Variants in TMEM123 observed in about 807,000 individuals in gnomAD.
TMEM123 encodes the protein transmembrane protein 123.
TMEM123 carries 16 observed loss-of-function variants against 19.7 expected under a neutral mutation model. The observed-to-expected ratio is 0.81, with a 90% CI of 0.55 to 1.23. The LOEUF (loss-of-function observed/expected upper bound fraction) is 1.23, where lower values mean the gene tolerates loss of function less well. TMEM123 is among the 50% of genes most tolerant of loss of function. The pLI is 0.00. For missense variants in TMEM123, 313 were observed against 257.8 expected (o/e 1.21, Z -1.47); for synonymous variants, 118 against 99.4 (o/e 1.19, Z -1.12).
chr11:102,419,706 T>C (rs1202266019), intron 2 of TMEM123, among the ~76,000 whole-genome samples: 1 of 152,262 alleles, frequency 6.6e-6, no homozygotes, highest in Non-Finnish European at 1.5e-5. Context: ...CAGATTTATT[T>C]AATCTAAAAG....
intron 2 of TMEM123, among the ~76,000 whole-genome samples, chr11:102,416,051 A>C (rs1309507640): frequency 1.3e-5 from 2 of 152,090 alleles, no homozygotes; most frequent in African/African-American, 4.8e-5. Flanking sequence ...AGTACCTGGG[A>C]CTACAGGTAT....
At position 102,447,787 on chromosome 11, in the gene TMEM123, G is replaced by C. The variant is rs146951900; in HGVS notation, c.157+1025C>G. Among the ~76,000 whole-genome samples, 188 of 152,184 alleles carry C rather than the reference G, an allele frequency of 1.2e-3. No homozygotes were observed. The East Asian group carries it at 0.013, about 10-fold the overall frequency. On this transcript the variant is annotated intron_variant, in intron 2 of 4. Coordinates refer to ENST00000398136, the MANE Select transcript of TMEM123 (RefSeq NM_052932.3). Reference sequence around the variant, plus strand: ...TAAAACTAGAATTAAAGTATGTCCTGACTACGTACCACCAGACACCAGTCA... The same window carrying C: ...TAAAACTAGAATTAAAGTATGTCCTCACTACGTACCACCAGACACCAGTCA...
At chr11:102,418,848 A>C (rs1302847343) in intron 2 of TMEM123, among the ~76,000 whole-genome samples, 1 of 152,218 alleles carries the variant, frequency 6.6e-6, no homozygotes, top group Non-Finnish European at 1.5e-5. Flanking sequence ...ATGAAATCAC[A>C]TCCTTTGCAG....
At chr11:102,441,953 G>T (rs1025458691) in intron 2 of TMEM123, among the ~76,000 whole-genome samples, 6 of 152,166 alleles carry the variant, frequency 3.9e-5, no homozygotes, top group African/African-American at 1.4e-4. Flanking sequence ...AAATCTAGAA[G>T]AAATGGATAA....
intron 2 of TMEM123, among the ~76,000 whole-genome samples, chr11:102,422,895 A>G (rs1952098407): frequency 6.6e-6 from 1 of 152,182 alleles, no homozygotes; most frequent in Admixed American, 6.5e-5. Flanking sequence ...ATTAACTCCA[A>G]TACCTTTCTG....
At chr11:102,427,794 C>T (rs986908616) in intron 2 of TMEM123, among the ~76,000 whole-genome samples, 20 of 150,212 alleles carry the variant, frequency 1.3e-4, no homozygotes, top group East Asian at 2.0e-4. Context: ...GCCGAGATCG[C>T]GCCACTGCAC....
At chr11:102,418,588 T>C (rs1952060046) in intron 2 of TMEM123, among the ~76,000 whole-genome samples, 1 of 152,234 alleles carries the variant, frequency 6.6e-6, no homozygotes, top group Non-Finnish European at 1.5e-5. Flanking sequence ...TCAGCCACTG[T>C]GGAAAGCAGT....
At chr11:102,405,688 C>CA (rs1457388005) in intron 2 of TMEM123, among the ~76,000 whole-genome samples, 1 of 152,116 alleles carries the variant, frequency 6.6e-6, no homozygotes, top group Admixed American at 6.5e-5. Flanking sequence ...CACACACACA[C>CA]CCCTCCCCCT....
intron 2 of TMEM123, among the ~76,000 whole-genome samples, chr11:102,411,069 C>T (rs944137697): frequency 6.6e-6 from 1 of 151,938 alleles, no homozygotes. Flanking sequence ...TTCATGAGGA[C>T]CCCCCCTTTT....
chr11:102,447,487 GTATCT>G (rs758959827), intron 2 of TMEM123, among the ~76,000 whole-genome samples: 7 of 152,118 alleles, frequency 4.6e-5, no homozygotes, highest in African/African-American at 7.2e-5. Context: ...TGTATGAGGA[GTATCT>G]TATAAGTTGT....
In TMEM123 at chr11:102,438,147, G is replaced by A. The variant is rs1210692214; in HGVS notation, c.157+10665C>T. 2.0e-5 allele frequency among the ~76,000 whole-genome samples: 3 copies of A among 152,086 alleles called. 1 individual carries two copies. Among genetic ancestry groups the A allele is most frequent in the South Asian group, 4.2e-4 (2 of 4,818 alleles). ...CGGCTCACTGCAATCTCTGCCACCC[G>A]GGATCATGCATTCTCCTGCCTCAGC... On this transcript the variant is annotated intron_variant, in intron 2 of 4. Transcript: ENST00000398136.
At position 102,402,066 on chromosome 11, in the gene TMEM123, GTGT is replaced by G. The variant is rs542960648; in HGVS notation, c.295_297del (p.Thr99del). On this transcript the variant is annotated inframe_deletion, in exon 3 of 5. Transcript: ENST00000398136. ...GTCATATTTGTTGAGACCATCCCTGGTGTTGTTGTATTAGATGCCGCTGTAGGT... is the reference window on the plus strand; with the variant it reads ...GTCATATTTGTTGAGACCATCCCTGGTGTTGTATTAGATGCCGCTGTAGGT... The G allele has an allele frequency of 1.5e-4, 244 of 1,614,090 alleles. No homozygotes were observed. The African/African-American group carries it at 2.6e-3, about 17-fold the overall frequency.
chr11:102,415,837 C>T (rs755205411), intron 2 of TMEM123, among the ~76,000 whole-genome samples: 2 of 152,062 alleles, frequency 1.3e-5, no homozygotes, highest in East Asian at 3.8e-4. Context: ...GAGCTGAACT[C>T]AATGAAATTG....
At chr11:102,444,345 T>C (rs964414352) in intron 2 of TMEM123, among the ~76,000 whole-genome samples, 4 of 151,906 alleles carry the variant, frequency 2.6e-5, no homozygotes, top group Admixed American at 2.6e-4. Flanking sequence ...CACAGACACA[T>C]CATGGAATAC....
intron 2 of TMEM123, among the ~76,000 whole-genome samples, chr11:102,428,235 GAATAT>G (rs1468176449): frequency 3.3e-5 from 5 of 152,046 alleles, no homozygotes; most frequent in Non-Finnish European, 7.4e-5. Flanking sequence ...TTTTTATCCT[GAATAT>G]ATTATTACGT....
At chr11:102,424,910 A>G (rs971899053) in intron 2 of TMEM123, among the ~76,000 whole-genome samples, 10 of 152,206 alleles carry the variant, frequency 6.6e-5, no homozygotes, top group Non-Finnish European at 1.2e-4. Flanking sequence ...CTCACTGAGC[A>G]AGTTTTTCAG....
At position 102,398,575 on chromosome 11, in the gene TMEM123, G is replaced by T. The variant is rs1175478083; in HGVS notation, c.*292C>A. 1.2e-5 allele frequency: 6 copies of T among 499,664 alleles called. No homozygotes were observed. The highest frequency in any genetic ancestry group is 3.6e-5 in the South Asian group (1 of 27,944). The allele number at this position is 499,664 out of a possible 1,614,324, so 31.0% of individuals were successfully genotyped here. A position where few individuals can be genotyped will look rare whatever the true frequency, so the allele number is the denominator to read the frequency against. On this transcript the variant is annotated 3_prime_UTR_variant, in exon 5 of 5. Coordinates refer to ENST00000398136, the MANE Select transcript of TMEM123 (RefSeq NM_052932.3). ...CGTCTTTCAATTACTGGTCATATGTGACCAATGCCCCCACCCCAGCCAAAA... is the reference window on the plus strand; with the variant it reads ...CGTCTTTCAATTACTGGTCATATGTTACCAATGCCCCCACCCCAGCCAAAA...
At chr11:102,398,921 T>C (rs756177246) in intron 4 of TMEM123, 30 bp from the exon 5 acceptor site, 1 of 1,593,704 alleles carries the variant, frequency 6.3e-7, no homozygotes. Context: ...ACAATTACTT[T>C]GTTTTGTTTT....
At chr11:102,448,348 C>T (rs1844839185) in intron 2 of TMEM123, 1 of 452,240 alleles carries the variant, frequency 2.2e-6, no homozygotes. Flanking sequence ...AGGGTAAGGG[C>T]CTCACCAAGT....
Sources: gnomAD v4.1 joint callset for allele counts (sites outside exome capture counted in the v4.1 genomes callset) on GRCh38, gnomAD v4.1.1 for gene constraint, MANE v1.5 for transcripts, NCBI Gene and HGNC (gene_info 2026-07-23, HGNC 2026-07-21) for gene names.